RPS6KA3: variants seen among roughly 807,000 people sequenced by gnomAD.
RPS6KA3 encodes the protein ribosomal protein S6 kinase alpha-3.
A neutral mutation model predicts 67.2 loss-of-function variants in RPS6KA3; 4 were observed. That is an observed-to-expected ratio of 0.06 (90% confidence interval 0.03 to 0.14). RPS6KA3 has a LOEUF of 0.14. Ranked by LOEUF, RPS6KA3 falls within the 10% of genes least tolerant of loss-of-function variation. The pLI, the probability that RPS6KA3 is intolerant of heterozygous loss-of-function variation, is 1.00. For synonymous variants in RPS6KA3, 182 were observed against 183.7 expected (o/e 0.99, Z 0.07); for missense variants, 204 against 559.0 (o/e 0.36, Z 6.40).
chrX:20,250,579 TTC>T (rs1352183558), intron 1 of RPS6KA3, among the ~76,000 whole-genome samples: 2 of 112,073 alleles, frequency 1.8e-5, no homozygotes, highest in Non-Finnish European at 3.8e-5. Flanking sequence ...AGCTAAATTT[TTC>T]TCTTTCCCAT....
At chrX:20,225,669 C>A (rs1236440229) in intron 2 of RPS6KA3, among the ~76,000 whole-genome samples, 1 of 111,518 alleles carries the variant, frequency 9.0e-6, no homozygotes, top group African/African-American at 3.3e-5. Flanking sequence ...TCTGCTAGGG[C>A]TTCTCTTTCC....
chrX:20,163,949 G>A (rs1044305660), intron 18 of RPS6KA3, among the ~76,000 whole-genome samples: 4 of 111,195 alleles, frequency 3.6e-5, no homozygotes, highest in South Asian at 7.6e-4. Flanking sequence ...GATTACAGGC[G>A]TGAACCATGG....
chrX:20,184,735 A>G (rs1325139719), intron 10 of RPS6KA3, among the ~76,000 whole-genome samples: 1 of 111,235 alleles, frequency 9.0e-6, no homozygotes, highest in East Asian at 2.8e-4. Flanking sequence ...TTTCTAGTGG[A>G]TAACACTGAT....
chrX:20,189,653 T>C (rs1289336382), intron 7 of RPS6KA3, among the ~76,000 whole-genome samples: 4 of 112,273 alleles, frequency 3.6e-5, no homozygotes, highest in Admixed American at 1.9e-4. Context: ...AAAACTGCAA[T>C]TGCTTTTGCA....
chrX:20,186,905 C>T (rs893157463), intron 9 of RPS6KA3, among the ~76,000 whole-genome samples: 11 of 112,103 alleles, frequency 9.8e-5, no homozygotes, highest in African/African-American at 3.6e-4. Context: ...ACGATCTTCA[C>T]TCACTGCAAT....
intron 13 of RPS6KA3, 98 bp downstream of exon 13, chrX:20,176,152 T>G: frequency 3.5e-6 from 2 of 576,133 alleles, no homozygotes; most frequent in Non-Finnish European, 3.0e-6. Flanking sequence ...ATTACAAGTG[T>G]GAGCCACCGC....
chrX:20,178,759 G>A (rs989769096), intron 10 of RPS6KA3, among the ~76,000 whole-genome samples: 11 of 106,749 alleles, frequency 1.0e-4, no homozygotes, highest in Non-Finnish European at 2.1e-4. Flanking sequence ...GGGATTATGG[G>A]TGAAATCAGT....
Position 20,223,356 on chromosome X carries a change from T to C in RPS6KA3, c.126+11402A>G, listed in dbSNP as rs147898205. On this transcript the variant is annotated intron_variant, in intron 2 of 21. Coordinates refer to ENST00000379565, the MANE Select transcript of RPS6KA3 (RefSeq NM_004586.3). ...CAGAGTGATCTATTTCTTGAAAGTT[T>C]AGAAGATTTTTCTCTTAAGAAATCA... Among the ~76,000 whole-genome samples, 454 of 111,421 alleles carry C rather than the reference T, an allele frequency of 4.1e-3. 2 individuals are homozygous for C. Among genetic ancestry groups the C allele is most frequent in the African/African-American group, 0.014 (420 of 30,668 alleles).
chrX:20,194,294 T>C lies in RPS6KA3; in HGVS notation c.407-26A>G, dbSNP rs769968817. The stretch of plus-strand genomic sequence containing the variant: ...CTGAATGAAGAAATGAAAATTTTCA[T>C]TTAGTCCACCATAATTTTTTTAGGT... On this transcript the variant is annotated intron_variant, in intron 5 of 21. Transcript: ENST00000379565. 3.1e-6 allele frequency: 3 copies of C among 981,536 alleles called. No homozygotes were observed. The African/African-American group carries it at 5.6e-5, about 18-fold the overall frequency. 80.9% of individuals were successfully genotyped at this position (981,536 alleles called of 1,213,427 possible).
intron 1 of RPS6KA3, among the ~76,000 whole-genome samples, chrX:20,243,763 G>C (rs1408839054): frequency 9.0e-6 from 1 of 110,545 alleles, no homozygotes; most frequent in Non-Finnish European, 1.9e-5. Context: ...CAAAGCGTTG[G>C]GATTACAAGC....
intron 4 of RPS6KA3, among the ~76,000 whole-genome samples, chrX:20,201,086 CT>C (rs1411581108): frequency 9.0e-6 from 1 of 111,684 alleles, no homozygotes; most frequent in Non-Finnish European, 1.9e-5. Context: ...TTTTTTGAAG[CT>C]ATTTCCGCAG....
chrX:20,223,304 CTA>C (rs2069029840), intron 2 of RPS6KA3, among the ~76,000 whole-genome samples: 1 of 111,156 alleles, frequency 9.0e-6, no homozygotes, highest in South Asian at 3.7e-4. Flanking sequence ...AGATTTTTTC[CTA>C]TGTTTTGGGA....
intron 14 of RPS6KA3, 58 bp from the exon 15 acceptor site, chrX:20,172,929 T>G: frequency 9.5e-7 from 1 of 1,051,708 alleles, no homozygotes; most frequent in East Asian, 3.0e-5. Flanking sequence ...CATTTTATAA[T>G]AGGGAAGTAT....
At chrX:20,180,308 AC>A (rs762506988) in intron 10 of RPS6KA3, among the ~76,000 whole-genome samples, 24 of 110,827 alleles carry the variant, frequency 2.2e-4, no homozygotes, top group Non-Finnish European at 4.5e-4. Flanking sequence ...TGTAATAGGG[AC>A]CACACGGTAT....
intron 2 of RPS6KA3, among the ~76,000 whole-genome samples, chrX:20,209,655 A>G (rs1035397544): frequency 4.5e-5 from 5 of 112,004 alleles, no homozygotes; most frequent in Non-Finnish European, 9.4e-5. Flanking sequence ...TACATAGGCC[A>G]ATTTAACCTC....
At chrX:20,157,694 G>A in intron 20 of RPS6KA3, among the ~76,000 whole-genome samples, 1 of 110,624 alleles carries the variant, frequency 9.0e-6, no homozygotes, top group Non-Finnish European at 1.9e-5. Context: ...GACTTTTTAA[G>A]AGGAAGATAA....
At chrX:20,213,670 C>T (rs926577680) in intron 2 of RPS6KA3, among the ~76,000 whole-genome samples, 4 of 109,141 alleles carry the variant, frequency 3.7e-5, no homozygotes, top group African/African-American at 1.0e-4. Flanking sequence ...AACAAACCTG[C>T]ACATTGTGCA....
At chrX:20,248,136 T>A (rs760902698) in intron 1 of RPS6KA3, among the ~76,000 whole-genome samples, 12 of 112,606 alleles carry the variant, frequency 1.1e-4, no homozygotes, top group East Asian at 8.4e-4. Flanking sequence ...TTGTGTAATA[T>A]CACCTTAGTA....
At chrX:20,196,851 C>CT (rs201139805) in intron 4 of RPS6KA3, among the ~76,000 whole-genome samples, 10 of 111,250 alleles carry the variant, frequency 9.0e-5, no homozygotes, top group Non-Finnish European at 1.9e-4. Context: ...GATATGCCCC[C>CT]TTTTTTTTGA....
Sources: allele counts gnomAD v4.1 joint callset (sites outside exome capture counted in the v4.1 genomes callset), GRCh38; gene constraint gnomAD v4.1.1; transcripts MANE v1.5; gene names NCBI Gene and HGNC (gene_info 2026-07-23, HGNC 2026-07-21).